The following CELF4 variants were observed in gnomAD, a reference collection of about 807,000 sequenced individuals.
CELF4 encodes CUG-BP- and ETR-3-like factor 4.
CELF4 carries 18 observed loss-of-function variants against 59.9 expected under a neutral mutation model. The observed-to-expected ratio is 0.30, with a 90% confidence interval of 0.21 to 0.45. CELF4 has a LOEUF of 0.45. Ranked by LOEUF, CELF4 falls within the 20% of genes least tolerant of loss-of-function variation. The pLI, the probability that CELF4 is intolerant of heterozygous loss-of-function variation, is 1.00. For missense variants in CELF4, 456 were observed against 689.0 expected (o/e 0.66, Z 3.79); for synonymous variants, 261 against 267.1 (o/e 0.98, Z 0.22).
intron 1 of CELF4, among the ~76,000 whole-genome samples, chr18:37,534,445 A>G (rs949519089): frequency 2.5e-4 from 38 of 152,254 alleles, no homozygotes; most frequent in African/African-American, 9.1e-4. Flanking sequence ...GCACACCTCT[A>G]TTTATTAGCA....
chr18:37,377,108 G>C (rs1448843478), intron 2 of CELF4, among the ~76,000 whole-genome samples: 1 of 152,118 alleles, frequency 6.6e-6, no homozygotes, highest in Non-Finnish European at 1.5e-5. Flanking sequence ...GGAAAGAAAT[G>C]GAGAAGGAGA....
intron 1 of CELF4, among the ~76,000 whole-genome samples, chr18:37,513,704 A>C (rs929155801): frequency 6.6e-6 from 1 of 152,100 alleles, no homozygotes; most frequent in Non-Finnish European, 1.5e-5. Context: ...GTCCATGCTC[A>C]TCCTGGTTCC....
intron 1 of CELF4, among the ~76,000 whole-genome samples, chr18:37,514,474 A>G (rs1407847973): frequency 6.6e-6 from 1 of 152,170 alleles, no homozygotes; most frequent in Non-Finnish European, 1.5e-5. Flanking sequence ...GAAGGAAAAG[A>G]GTTTCTTCCG....
intron 2 of CELF4, among the ~76,000 whole-genome samples, chr18:37,427,141 G>T (rs972307165): frequency 2.2e-4 from 33 of 152,114 alleles, no homozygotes; most frequent in African/African-American, 6.5e-4. Context: ...TCAAATGAAG[G>T]CTTCTCCTCT....
chr18:37,392,549 A>G (rs1603634637), intron 2 of CELF4, among the ~76,000 whole-genome samples: 1 of 152,292 alleles, frequency 6.6e-6, no homozygotes, highest in East Asian at 1.9e-4. Context: ...CTTCCCTCCA[A>G]CAACAGGCTG....
At chr18:37,266,642 C>A (rs954095426) in intron 8 of CELF4, 44 bp from the exon 9 acceptor site, 1 of 1,473,504 alleles carries the variant, frequency 6.8e-7, no homozygotes, top group Admixed American at 2.0e-5. Flanking sequence ...GCCCACCACA[C>A]TGGCCCTTCC....
intron 2 of CELF4, among the ~76,000 whole-genome samples, chr18:37,384,957 C>T (rs995737062): frequency 3.9e-5 from 6 of 152,198 alleles, no homozygotes; most frequent in Non-Finnish European, 7.3e-5. Flanking sequence ...CTCTGATTTG[C>T]TGGGTCAGTC....
At chr18:37,455,357 C>T (rs1169594182) in intron 2 of CELF4, among the ~76,000 whole-genome samples, 1 of 152,156 alleles carries the variant, frequency 6.6e-6, no homozygotes, top group East Asian at 1.9e-4. Flanking sequence ...TGAGTGAGAC[C>T]TCCTCTGCTT....
intron 2 of CELF4, among the ~76,000 whole-genome samples, chr18:37,337,709 C>T (rs1203407581): frequency 6.6e-6 from 1 of 152,226 alleles, no homozygotes; most frequent in Admixed American, 6.5e-5. Flanking sequence ...TGGTTTGTCA[C>T]ATGGTGCGAG....
chr18:37,475,905 C>G (rs1230882092), intron 2 of CELF4, among the ~76,000 whole-genome samples: 4 of 152,184 alleles, frequency 2.6e-5, no homozygotes, highest in Non-Finnish European at 4.4e-5. Flanking sequence ...CTGTCCTCCC[C>G]ACTCCATGGA....
chr18:37,437,597 A>G (rs990371310), intron 2 of CELF4, among the ~76,000 whole-genome samples: 1 of 152,126 alleles, frequency 6.6e-6, no homozygotes, highest in East Asian at 1.9e-4. Context: ...GTAAGGCATT[A>G]GAGTGGCTGC....
intron 2 of CELF4, among the ~76,000 whole-genome samples, chr18:37,474,978 C>T (rs1035057138): frequency 6.6e-6 from 1 of 152,226 alleles, no homozygotes; most frequent in African/African-American, 2.4e-5. Context: ...ACCTCGGCCA[C>T]AGCCTGGTGG....
Position 37,353,026 on chromosome 18 carries a change from C to T in CELF4, c.370-31145G>A, listed in dbSNP as rs376973610. ...CAGGAAGTCAGGAGATCGAGACCAT[C>T]CTGGCTAACACGGTGAAACCCTGTC... On this transcript the variant is annotated intron_variant, in intron 2 of 12. Transcript: ENST00000420428. Among the ~76,000 whole-genome samples, 35 of 152,118 alleles carry T rather than the reference C, an allele frequency of 2.3e-4. 1 individual carries two copies. The highest frequency in any genetic ancestry group is 4.6e-4 in the Admixed American group (7 of 15,290).
In CELF4 at chr18:37,285,442, C is replaced by A. The variant is rs139714238; in HGVS notation, c.449-10199G>T. ...GCCTGTTCTGGGCAGAGGTGTGGCACCTGAGAAAGGGGTTTGTAGGGGTGC... is the reference window on the plus strand; with the variant it reads ...GCCTGTTCTGGGCAGAGGTGTGGCAACTGAGAAAGGGGTTTGTAGGGGTGC... On this transcript the variant is annotated intron_variant, in intron 3 of 12. Transcript: ENST00000420428. Among the ~76,000 whole-genome samples the A allele has an allele frequency of 4.4e-3, 675 of 152,322 alleles. 5 individuals carry two copies. Among genetic ancestry groups the A allele is most frequent in the African/African-American group, 0.015 (642 of 41,574 alleles).
chr18:37,450,427 C>T (rs1390245364), intron 2 of CELF4, among the ~76,000 whole-genome samples: 1 of 151,592 alleles, frequency 6.6e-6, no homozygotes, highest in African/African-American at 2.4e-5. Context: ...CTCTCCCCTG[C>T]ACCCCCTTCT....
At chr18:37,493,241 C>T (rs189072490) in intron 1 of CELF4, among the ~76,000 whole-genome samples, 18 of 152,330 alleles carry the variant, frequency 1.2e-4, no homozygotes, top group Admixed American at 5.9e-4. Flanking sequence ...TTAGAGCCCA[C>T]GTAACTTTCT....
At chr18:37,348,399 C>T (rs780683581) in intron 2 of CELF4, among the ~76,000 whole-genome samples, 5 of 152,260 alleles carry the variant, frequency 3.3e-5, no homozygotes, top group Middle Eastern at 3.4e-3. Context: ...TTCCTCCCTC[C>T]GGCCAGGGAT....
chr18:37,423,535 G>A (rs1405217706), intron 2 of CELF4, among the ~76,000 whole-genome samples: 1 of 152,122 alleles, frequency 6.6e-6, no homozygotes, highest in African/African-American at 2.4e-5. Flanking sequence ...AGGGGTGACT[G>A]TCCTCTCACT....
At chr18:37,470,836 C>CTGTGTGTGTGTGTGTGTGTGTG (rs71381583) in intron 2 of CELF4, among the ~76,000 whole-genome samples, 2 of 93,132 alleles carry the variant, frequency 2.1e-5, no homozygotes, top group Non-Finnish European at 4.1e-5. Context: ...CTTCATGACT[C>CTGTGTGTGTGTGTGTGTGTGTG]TGTGTGTGTG....
Sources: gnomAD v4.1 joint callset for allele counts (sites outside exome capture counted in the v4.1 genomes callset) on GRCh38, gnomAD v4.1.1 for gene constraint, MANE v1.5 for transcripts, NCBI Gene and HGNC (gene_info 2026-07-23, HGNC 2026-07-21) for gene names.